DAB1: variants seen among roughly 807,000 people sequenced by gnomAD.
DAB1 encodes disabled homolog 1.
In DAB1, 15 loss-of-function variants were observed where a neutral mutation model predicts 64.6. The observed-to-expected ratio is 0.23, with a 90% CI of 0.16 to 0.36. The LOEUF is 0.36. Ranked by LOEUF, DAB1 falls within the 10% of genes least tolerant of loss-of-function variation. The pLI is 1.00. For missense variants in DAB1, 596 were observed against 706.7 expected (o/e 0.84, Z 1.78); for synonymous variants, 235 against 251.9 (o/e 0.93, Z 0.64).
chr1:57,343,764 G>GC (rs1464407810), intron 1 of DAB1, among the ~76,000 whole-genome samples: 7 of 152,150 alleles, frequency 4.6e-5, no homozygotes, highest in African/African-American at 1.7e-4. Flanking sequence ...ACGGTGTGCA[G>GC]CCCCGGTTCC....
At chr1:57,552,157 A>G (rs968347470) in intron 7 of DAB1, among the ~76,000 whole-genome samples, 5 of 152,136 alleles carry the variant, frequency 3.3e-5, no homozygotes, top group Non-Finnish European at 7.3e-5. Flanking sequence ...GATCTTTCTC[A>G]CAATTGGGAC....
At chr1:57,491,378 A>G (rs916458480) in intron 7 of DAB1, among the ~76,000 whole-genome samples, 6 of 152,196 alleles carry the variant, frequency 3.9e-5, no homozygotes, top group African/African-American at 1.4e-4. Context: ...CAGTGAGCCG[A>G]GATTGCGCCA....
chr1:57,749,904 G>A (rs1648475678), intron 6 of DAB1, among the ~76,000 whole-genome samples: 1 of 152,168 alleles, frequency 6.6e-6, no homozygotes, highest in Non-Finnish European at 1.5e-5. Context: ...CAGTAGCTCA[G>A]TTCTCATCTT....
chr1:58,249,499 T>C (rs1244612712), intron 4 of DAB1, among the ~76,000 whole-genome samples: 1 of 151,978 alleles, frequency 6.6e-6, no homozygotes, highest in African/African-American at 2.4e-5. Context: ...AAAGCATGCG[T>C]CCGGATGGCG....
intron 5 of DAB1, among the ~76,000 whole-genome samples, chr1:57,942,126 G>A (rs113804289): frequency 3.9e-5 from 6 of 152,260 alleles, no homozygotes; most frequent in Admixed American, 2.0e-4. Context: ...GGCCAGCTTC[G>A]ATCTAAGTGA....
At chr1:58,238,398 TAC>T (rs1292693357) in intron 4 of DAB1, among the ~76,000 whole-genome samples, 1 of 152,106 alleles carries the variant, frequency 6.6e-6, no homozygotes, top group Non-Finnish European at 1.5e-5. Context: ...GGACAGCAGG[TAC>T]AGAGAATAGA....
chr1:57,101,745 T>G (rs1487068230), intron 4 of DAB1, among the ~76,000 whole-genome samples: 1 of 152,232 alleles, frequency 6.6e-6, no homozygotes, highest in Non-Finnish European at 1.5e-5. Context: ...GGAGTGAGAA[T>G]AAATAGCTGA....
intron 7 of DAB1, among the ~76,000 whole-genome samples, chr1:57,551,235 C>A (rs1644910812): frequency 6.6e-6 from 1 of 152,212 alleles, no homozygotes; most frequent in Non-Finnish European, 1.5e-5. Flanking sequence ...CAGTTCTGAT[C>A]TCCACCACTC....
At chr1:58,367,354 TAGAC>T (rs1644226484) in intron 3 of DAB1, among the ~76,000 whole-genome samples, 3 of 152,204 alleles carry the variant, frequency 2.0e-5, no homozygotes, top group Non-Finnish European at 4.4e-5. Flanking sequence ...GCCAACTACT[TAGAC>T]AGAACACTTC....
chr1:57,112,041 T>C (rs538510911), intron 4 of DAB1, among the ~76,000 whole-genome samples: 2 of 152,344 alleles, frequency 1.3e-5, no homozygotes, highest in South Asian at 4.1e-4. Context: ...CTATGGATTA[T>C]TAAAAGTATC....
intron 6 of DAB1, among the ~76,000 whole-genome samples, chr1:57,695,392 G>GAA (rs796447106): frequency 1.3e-5 from 1 of 79,840 alleles, no homozygotes; most frequent in Non-Finnish European, 2.7e-5. Context: ...AAGAAAGAAA[G>GAA]AAAGAAAGAA....
chr1:58,114,991 T>A (rs1652235696), intron 5 of DAB1, among the ~76,000 whole-genome samples: 1 of 151,692 alleles, frequency 6.6e-6, no homozygotes, highest in African/African-American at 2.4e-5. Flanking sequence ...ACAAATGGGA[T>A]CTAATTAAAC....
At chr1:57,343,022 G>A (rs1366190182) in intron 1 of DAB1, among the ~76,000 whole-genome samples, 1 of 37,986 alleles carries the variant, frequency 2.6e-5, no homozygotes, top group Non-Finnish European at 7.4e-5. Context: ...CGGGCAGCCT[G>A]CTTTTATTGT....
At chr1:58,513,487 G>C (rs752047753) in intron 2 of DAB1, among the ~76,000 whole-genome samples, 1 of 152,096 alleles carries the variant, frequency 6.6e-6, no homozygotes, top group Non-Finnish European at 1.5e-5. Context: ...GTAAGTACAC[G>C]AAGAAAGAAT....
rs571040496 is a variant in DAB1, at chr1:57,054,433, C to T, written c.723+8451G>A. On this transcript the variant is annotated intron_variant, in intron 9 of 14. Coordinates refer to ENST00000371236, the MANE Select transcript of DAB1 (RefSeq NM_001365792.1). ...CTAAATAATGAATGCAGTAATGGGA[C>T]GCTTAGCAGACACCTTCCTCTCCAC... Among the ~76,000 whole-genome samples the T allele has an allele frequency of 2.6e-4, 38 of 148,992 alleles. 1 individual carries two copies. Among genetic ancestry groups the T allele is most frequent in the African/African-American group, 7.7e-4 (31 of 40,456 alleles).
chr1:58,523,516 T>G (rs1365422717), intron 2 of DAB1, among the ~76,000 whole-genome samples: 1 of 152,148 alleles, frequency 6.6e-6, no homozygotes, highest in Non-Finnish European at 1.5e-5. Context: ...CTAGGAATGT[T>G]GTGTTTGGGG....
intron 6 of DAB1, among the ~76,000 whole-genome samples, chr1:57,765,581 C>T (rs182782505): frequency 6.6e-6 from 1 of 152,248 alleles, no homozygotes; most frequent in African/African-American, 2.4e-5. Context: ...GTCAGGCCTT[C>T]GTGCCCTCTG....
At chr1:57,606,563 A>T (rs11588587) in intron 7 of DAB1, among the ~76,000 whole-genome samples, 1 of 106,952 alleles carries the variant, frequency 9.3e-6, no homozygotes, top group Non-Finnish European at 1.8e-5. Flanking sequence ...TATATTATAT[A>T]TTATATATGA....
intron 7 of DAB1, among the ~76,000 whole-genome samples, chr1:57,628,406 C>T (rs1645948728): frequency 6.6e-6 from 1 of 152,172 alleles, no homozygotes; most frequent in Admixed American, 6.5e-5. Flanking sequence ...TAGTAAATTC[C>T]TTCCACCTTT....
Sources: gnomAD v4.1 joint callset for allele counts (sites outside exome capture counted in the v4.1 genomes callset) on GRCh38, gnomAD v4.1.1 for gene constraint, MANE v1.5 for transcripts, NCBI Gene and HGNC (gene_info 2026-07-23, HGNC 2026-07-21) for gene names.